TP53BP1: variants seen among roughly 807,000 people sequenced by gnomAD.
The protein encoded by TP53BP1 is TP53-binding protein 1.
A neutral mutation model predicts 200.8 loss-of-function variants in TP53BP1; 61 were observed. The observed-to-expected ratio is 0.30, with a 90% confidence interval of 0.25 to 0.38. The LOEUF (loss-of-function observed/expected upper bound fraction) is 0.38. Ranked by LOEUF, TP53BP1 falls within the 10% of genes least tolerant of loss-of-function variation. TP53BP1 has a pLI of 1.00. For synonymous variants in TP53BP1, 822 were observed against 844.3 expected (o/e 0.97, Z 0.46); for missense variants, 2,144 against 2,371.9 (o/e 0.90, Z 2.00).
chr15:43,459,056 G>A (rs2046367608), intron 11 of TP53BP1, among the ~76,000 whole-genome samples: 1 of 152,152 alleles, frequency 6.6e-6, no homozygotes, highest in Admixed American at 6.5e-5. Context: ...TGTGCATGCT[G>A]GCCAGGCACA....
At position 43,409,732 on chromosome 15, in the gene TP53BP1, T is replaced by G; in HGVS notation, c.5315A>C (p.Glu1772Ala). Residue 1772 changes from glutamate (E) to alanine (A), a missense_variant, in exon 25 of 28, where the codon GAA becomes GCA. Physicochemically the swap from Glu to Ala is moderately radical, Grantham distance 107. Around this residue, in one of 4 missense-constraint regions of TP53BP1, gnomAD observed 334 missense variants for 453.4 expected, o/e 0.74. Coordinates refer to ENST00000382044, the MANE Select transcript of TP53BP1 (RefSeq NM_001141980.3). ...GSSEEEEEFLEIPPFNKQYTE... is the reference protein window; with the variant it reads ...GSSEEEEEFLAIPPFNKQYTE... Reference sequence around the variant, plus strand: ...ATACTGCTTGTTGAAAGGAGGAATTTCCAAAAATTCTATATTAAAAAAAAA... The same window carrying G: ...ATACTGCTTGTTGAAAGGAGGAATTGCCAAAAATTCTATATTAAAAAAAAA... 1 of 1,527,838 alleles carries G rather than the reference T, an allele frequency of 6.5e-7. No individual in the cohort carries two copies. Among genetic ancestry groups the G allele is most frequent in the Non-Finnish European group, 8.8e-7 (1 of 1,131,258 alleles). The allele number at this position is 1,527,838 out of a possible 1,614,324, so 94.6% of individuals were successfully genotyped here. A position where few individuals can be genotyped will look rare whatever the true frequency, so the allele number is the denominator to read the frequency against.
chr15:43,486,804 T>C (rs1413357132), intron 4 of TP53BP1, among the ~76,000 whole-genome samples: 1 of 152,094 alleles, frequency 6.6e-6, no homozygotes, highest in Non-Finnish European at 1.5e-5. Flanking sequence ...TTTTGTATTT[T>C]TGGTAAAGAC....
At chr15:43,407,921 C>G in intron 27 of TP53BP1, 22 bp downstream of exon 27, 1 of 1,604,660 alleles carries the variant, frequency 6.2e-7, no homozygotes. Context: ...AACAAAGACA[C>G]TACACACACT....
At chr15:43,486,781 G>A (rs1306348620) in intron 4 of TP53BP1, among the ~76,000 whole-genome samples, 1 of 152,004 alleles carries the variant, frequency 6.6e-6, no homozygotes, top group Non-Finnish European at 1.5e-5. Context: ...GTGCCACCAT[G>A]CCCAGCTAAT....
chr15:43,509,853 AAAAACAAAAC>A (rs566514793), intron 1 of TP53BP1, among the ~76,000 whole-genome samples: 2 of 152,140 alleles, frequency 1.3e-5, no homozygotes, highest in Non-Finnish European at 2.9e-5. Flanking sequence ...CAAAAACCCA[AAAAACAAAAC>A]AAAACAAAAA....
At chr15:43,464,694 G>A (rs1174570305) in intron 11 of TP53BP1, among the ~76,000 whole-genome samples, 3 of 151,760 alleles carry the variant, frequency 2.0e-5, no homozygotes, top group Non-Finnish European at 4.4e-5. Context: ...ACCTGAGGTC[G>A]GGAGTTCAAG....
In TP53BP1 at chr15:43,432,602, C is replaced by A; in HGVS notation, c.3267G>T (p.Arg1089Ser). The change falls in exon 17 of 28, where the codon AGG becomes AGT. Residue 1089 changes from arginine (R) to serine (S), a missense_variant. Physicochemically the swap from Arg to Ser is moderately radical, Grantham distance 110. Around this residue, in one of 4 missense-constraint regions of TP53BP1, gnomAD observed 1,700 missense variants for 1,710.3 expected, o/e 0.99. Coordinates refer to ENST00000382044, the MANE Select transcript of TP53BP1 (RefSeq NM_001141980.3). The part of the protein sequence containing the change: ...KEKLEGDHTI[R>S]QSQQPMKPIS... ...TGGGCTTCATAGGCTGTTGACTCTG[C>A]CTGATTGTATGGTCACCCTCCAATT... The A allele has an allele frequency of 1.2e-6, 2 of 1,613,976 alleles. No homozygotes were observed. The highest frequency in any genetic ancestry group is 1.3e-5 in the African/African-American group (1 of 75,032).
At chr15:43,480,742 G>A (rs985245566) in intron 5 of TP53BP1, among the ~76,000 whole-genome samples, 153 bp downstream of exon 5, 5 of 152,190 alleles carry the variant, frequency 3.3e-5, no homozygotes, top group African/African-American at 1.2e-4. Flanking sequence ...AAATCAGGTG[G>A]AACATTTTAA....
intron 5 of TP53BP1, among the ~76,000 whole-genome samples, chr15:43,480,476 AT>A (rs2078948398): frequency 6.6e-6 from 1 of 152,174 alleles, no homozygotes; most frequent in Non-Finnish European, 1.5e-5. Context: ...TTTAAAAAAA[AT>A]AAGTGCATTA....
At chr15:43,509,013 T>C (rs947425453) in intron 1 of TP53BP1, among the ~76,000 whole-genome samples, 2 of 152,136 alleles carry the variant, frequency 1.3e-5, no homozygotes, top group Non-Finnish European at 2.9e-5. Flanking sequence ...ACTGCTGACC[T>C]TTATACTGAG....
In TP53BP1 at chr15:43,415,656, A is replaced by AT; in HGVS notation, c.5026dup (p.Ile1676AsnfsTer4). 1 of 1,614,190 alleles carries AT rather than the reference A, an allele frequency of 6.2e-7. No individual in the cohort carries two copies. The highest frequency in any genetic ancestry group is 8.5e-7 in the Non-Finnish European group (1 of 1,180,036). On this transcript the variant is annotated frameshift_variant, in exon 23 of 28. Transcript: ENST00000382044. LOFTEE classifies it high-confidence loss of function. ...AGGGGACCGTTCCTCTTCAGAAGTG[A>AT]TAAGTTTTCTTTTGCCTGAGAGAAC... is the stretch of plus-strand genomic sequence containing the variant.
chr15:43,419,593 C>G (rs2142989202), intron 21 of TP53BP1, among the ~76,000 whole-genome samples: 1 of 131,162 alleles, frequency 7.6e-6, no homozygotes, highest in East Asian at 2.3e-4. Flanking sequence ...ATGTTTCAGC[C>G]TGGTCTCAAA....
At chr15:43,475,011 G>C (rs2251538) in intron 9 of TP53BP1, among the ~76,000 whole-genome samples, 42,977 of 152,126 alleles carry the variant, frequency 0.28, 10,291 homozygotes, top group African/African-American at 0.65. Context: ...AGGGCAAAGT[G>C]AATGATCAGA....
intron 13 of TP53BP1, chr15:43,447,110 T>C (rs1216357844): frequency 4.7e-5 from 22 of 470,428 alleles, no homozygotes; most frequent in Non-Finnish European, 3.1e-5. Context: ...TTCTACTGCC[T>C]TGCAAGTAAT....
chr15:43,497,559 G>A (rs1178392195), upstream of TP53BP1: 5 of 502,590 alleles, frequency 9.9e-6, no homozygotes, highest in Non-Finnish European at 1.3e-5. Flanking sequence ...AAAATCGAGA[G>A]TGATATGAAC....
chr15:43,465,802 G>T (rs199765845), intron 11 of TP53BP1, among the ~76,000 whole-genome samples: 11 of 85,040 alleles, frequency 1.3e-4, no homozygotes, highest in African/African-American at 6.3e-4. Flanking sequence ...TTTGTTTTTT[G>T]TTGTTGTTGT....
intron 25 of TP53BP1, 41 bp downstream of exon 25, chr15:43,409,606 A>G: frequency 2.6e-6 from 3 of 1,147,158 alleles, no homozygotes; most frequent in Non-Finnish European, 3.7e-6. Flanking sequence ...GTTGGCTCTT[A>G]TCATTGCCAC....
chr15:43,429,314 G>A (rs2045619719), intron 17 of TP53BP1, among the ~76,000 whole-genome samples: 1 of 152,086 alleles, frequency 6.6e-6, no homozygotes, highest in South Asian at 2.1e-4. Flanking sequence ...TTTCAGTCCT[G>A]CATTTCTGAA....
chr15:43,452,854 A>G (rs1390004641), intron 12 of TP53BP1, among the ~76,000 whole-genome samples: 1 of 152,184 alleles, frequency 6.6e-6, no homozygotes, highest in Non-Finnish European at 1.5e-5. Flanking sequence ...TACTATTAAA[A>G]TAATAGAATA....
Sources: allele counts gnomAD v4.1 joint callset (sites outside exome capture counted in the v4.1 genomes callset), GRCh38; gene constraint gnomAD v4.1.1; regional missense constraint gnomAD v4.1.1; transcripts MANE v1.5; gene names NCBI Gene and HGNC (gene_info 2026-07-23, HGNC 2026-07-21).